ZC3H12B: variants seen among roughly 807,000 people sequenced by gnomAD.
ZC3H12B encodes zinc finger CCCH-type containing 12B.
Under a neutral mutation model 43.9 loss-of-function variants are expected in ZC3H12B, and 7 were observed. The observed-to-expected ratio is 0.16, with a 90% confidence interval of 0.09 to 0.30. The LOEUF is 0.30. Among genes scored for constraint, ZC3H12B ranks in the 10% least tolerant of loss-of-function variants. ZC3H12B has a pLI of 1.00. For missense variants in ZC3H12B, 475 were observed against 670.2 expected, an observed-to-expected ratio of 0.71 and a Z score of 3.22; for synonymous variants, 222 against 241.7, an observed-to-expected ratio of 0.92 and a Z score of 0.76.
chrX:65,059,462 C>G, the ZC3H12B span, among the ~76,000 whole-genome samples: 1 of 110,916 alleles, frequency 9.0e-6, no homozygotes, highest in East Asian at 2.8e-4. Context: ...TTCCCAGCAC[C>G]GTTTATGGAA....
At chrX:65,355,764 G>A in the ZC3H12B span, among the ~76,000 whole-genome samples, 3 of 111,168 alleles carry the variant, frequency 2.7e-5, no homozygotes, top group Middle Eastern at 8.4e-3. Context: ...AGACCAGCCT[G>A]GCCAACATGG....
the ZC3H12B span, among the ~76,000 whole-genome samples, chrX:65,292,849 TG>T: frequency 1.8e-5 from 2 of 110,434 alleles, no homozygotes; most frequent in Non-Finnish European, 3.8e-5. Context: ...CTGGGCATAG[TG>T]GTACTTGCCT....
At chrX:65,451,996 C>A (rs779059530) in intron 3 of ZC3H12B, among the ~76,000 whole-genome samples, 10 of 111,439 alleles carry the variant, frequency 9.0e-5, no homozygotes, top group Admixed American at 1.9e-4. Flanking sequence ...CGTTGATGGT[C>A]AGAGCTAGGT....
At chrX:65,378,324 A>C (rs1189545991) in intron 2 of ZC3H12B, among the ~76,000 whole-genome samples, 2 of 111,744 alleles carry the variant, frequency 1.8e-5, no homozygotes, top group Non-Finnish European at 3.8e-5. Context: ...AGATTAATTT[A>C]AGGTGTAGAG....
chrX:65,149,836 G>A, the ZC3H12B span, among the ~76,000 whole-genome samples: 5 of 106,591 alleles, frequency 4.7e-5, no homozygotes, highest in Non-Finnish European at 7.7e-5. Context: ...AAAGTATTAT[G>A]GGCATCTGCA....
the ZC3H12B span, among the ~76,000 whole-genome samples, chrX:65,125,135 C>T: frequency 1.8e-5 from 2 of 111,052 alleles, no homozygotes; most frequent in Admixed American, 9.6e-5. Context: ...ATGAACTTTC[C>T]TCATAGCACC....
At chrX:65,374,563 A>G (rs1224390345) in intron 2 of ZC3H12B, among the ~76,000 whole-genome samples, 2 of 110,062 alleles carry the variant, frequency 1.8e-5, no homozygotes, top group African/African-American at 6.6e-5. Flanking sequence ...CTAAACAAAA[A>G]TAGCACATTC....
At chrX:65,380,685 C>A (rs753657697) in intron 2 of ZC3H12B, among the ~76,000 whole-genome samples, 2 of 111,498 alleles carry the variant, frequency 1.8e-5, no homozygotes, top group African/African-American at 6.5e-5. Context: ...GAGTCAAGAC[C>A]CATCAGTGTG....
At chrX:65,160,155 T>C in the ZC3H12B span, among the ~76,000 whole-genome samples, 7 of 111,848 alleles carry the variant, frequency 6.3e-5, no homozygotes, top group Admixed American at 9.6e-5. Flanking sequence ...TGCTGCTGGA[T>C]TCGATTTGCC....
chrX:65,382,780 A>G (rs1165836153), intron 2 of ZC3H12B, among the ~76,000 whole-genome samples: 1 of 111,792 alleles, frequency 8.9e-6, no homozygotes, highest in Non-Finnish European at 1.9e-5. Flanking sequence ...TCAACGTACA[A>G]AAATCACAAG....
chrX:65,091,788 G>C, the ZC3H12B span, among the ~76,000 whole-genome samples: 2 of 112,054 alleles, frequency 1.8e-5, no homozygotes, highest in African/African-American at 6.5e-5. Context: ...GTGCATACAA[G>C]GGTTATATGG....
chrX:65,168,346 T>G, the ZC3H12B span, among the ~76,000 whole-genome samples: 5 of 111,855 alleles, frequency 4.5e-5, no homozygotes, highest in African/African-American at 1.3e-4. Context: ...ATTTATTGAT[T>G]TGCATATGTT....
chrX:65,304,335 G>C, the ZC3H12B span, among the ~76,000 whole-genome samples: 3 of 111,649 alleles, frequency 2.7e-5, no homozygotes, highest in African/African-American at 9.7e-5. Context: ...ACATTTACCC[G>C]ACCGGGTGCG....
At chrX:65,382,173 G>C (rs1257770750) in intron 2 of ZC3H12B, among the ~76,000 whole-genome samples, 1 of 110,592 alleles carries the variant, frequency 9.0e-6, no homozygotes, top group East Asian at 2.8e-4. Flanking sequence ...AGACCAATAT[G>C]CTTGATGAAC....
intron 2 of ZC3H12B, among the ~76,000 whole-genome samples, chrX:65,377,093 A>G (rs1377721442): frequency 9.1e-6 from 1 of 109,807 alleles, no homozygotes; most frequent in Non-Finnish European, 1.9e-5. Context: ...TCAAGTAGAA[A>G]TCCTGGAACT....
At chrX:65,502,021 G>A (rs368235366) in exon 5 of ZC3H12B, 29 of 1,208,605 alleles carry the variant, frequency 2.4e-5, no homozygotes, top group Non-Finnish European at 3.0e-5. Context: ...CCAGCATCCG[G>A]TCTGTGGCTA....
chrX:65,145,072 A>T, the ZC3H12B span, among the ~76,000 whole-genome samples: 1 of 111,145 alleles, frequency 9.0e-6, no homozygotes, highest in Non-Finnish European at 1.9e-5. Context: ...TGGAGTATTG[A>T]TGTCCCTCAC....
intron 2 of ZC3H12B, among the ~76,000 whole-genome samples, chrX:65,372,742 G>A (rs996802589): frequency 8.9e-6 from 1 of 111,890 alleles, no homozygotes. Flanking sequence ...TTCACAGATG[G>A]GGAAACTGAG....
At chrX:65,142,977 A>G in the ZC3H12B span, among the ~76,000 whole-genome samples, 2 of 111,580 alleles carry the variant, frequency 1.8e-5, no homozygotes, top group Non-Finnish European at 3.8e-5. Context: ...TGCTTTGACT[A>G]CATGGGCTCT....
Sources: allele counts gnomAD v4.1 joint callset (sites outside exome capture counted in the v4.1 genomes callset), GRCh38; gene constraint gnomAD v4.1.1; transcripts MANE v1.5; gene names NCBI Gene and HGNC (gene_info 2026-07-23, HGNC 2026-07-21).